The following TEAD1 variants were observed in gnomAD, a reference collection of about 807,000 sequenced individuals.
TEAD1 encodes TEA domain transcription factor 1.
Under a neutral mutation model 54.9 loss-of-function variants are expected in TEAD1, and 9 were observed. That is an observed-to-expected ratio of 0.16 (90% CI 0.10 to 0.29). TEAD1 has a LOEUF of 0.29. Ranked by LOEUF, TEAD1 falls within the 10% of genes least tolerant of loss-of-function variation. TEAD1 has a pLI of 1.00. For missense variants in TEAD1, 387 were observed against 535.9 expected, an observed-to-expected ratio of 0.72 and a Z score of 2.74; for synonymous variants, 200 against 187.8, an observed-to-expected ratio of 1.07 and a Z score of -0.53.
intron 3 of TEAD1, among the ~76,000 whole-genome samples, chr11:12,840,559 C>T (rs892236794): frequency 6.6e-6 from 1 of 152,102 alleles, no homozygotes; most frequent in Admixed American, 6.5e-5. Flanking sequence ...AATAAATGGC[C>T]GTGTCTTAGC....
intron 3 of TEAD1, among the ~76,000 whole-genome samples, chr11:12,797,656 G>A (rs954223047): frequency 6.6e-6 from 1 of 151,462 alleles, no homozygotes; most frequent in Non-Finnish European, 1.5e-5. Context: ...TTTTGTAGGG[G>A]TTTCCTCCAC....
At chr11:12,907,355 T>C (rs3888877) in intron 10 of TEAD1, among the ~76,000 whole-genome samples, 26,466 of 152,168 alleles carry the variant, frequency 0.17, 2,554 homozygotes, top group Non-Finnish European at 0.22. Flanking sequence ...GTGACAGCAG[T>C]AGGGAGCAGT....
chr11:12,734,944 A>C (rs1348109320), intron 2 of TEAD1, among the ~76,000 whole-genome samples: 1 of 152,210 alleles, frequency 6.6e-6, no homozygotes, highest in Non-Finnish European at 1.5e-5. Context: ...CGCCATATAT[A>C]TTTTTAAAGA....
chr11:12,690,082 A>T (rs906350257), intron 2 of TEAD1, among the ~76,000 whole-genome samples: 9 of 151,812 alleles, frequency 5.9e-5, no homozygotes, highest in African/African-American at 2.2e-4. Context: ...CTACTAAAAA[A>T]TACAAAAAAT....
At chr11:12,802,538 ATT>A (rs142330425) in intron 3 of TEAD1, among the ~76,000 whole-genome samples, 1,562 of 152,256 alleles carry the variant, frequency 0.01, 28 homozygotes, top group African/African-American at 0.036. Context: ...ACAAAACACT[ATT>A]TAGGAAAGTG....
chr11:12,869,452 C>T lies in TEAD1; in HGVS notation c.330+4552C>T, dbSNP rs568196742. On this transcript the variant is annotated intron_variant, in intron 5 of 12. Coordinates refer to ENST00000527636, the MANE Select transcript of TEAD1 (RefSeq NM_021961.6). ...TAAAGAATAAATTATAAGTTCTGTC[C>T]TTATGAAGTCTGAAAAGTGTTGTGT... 1.6e-4 allele frequency among the ~76,000 whole-genome samples: 25 copies of T among 152,240 alleles called. No homozygotes were observed. In the South Asian group the frequency reaches 4.8e-3, roughly 29 times the overall value.
chr11:12,781,983 AGAAAAAG>A lies in TEAD1; in HGVS notation c.202+17550_202+17556del, dbSNP rs1564937765. Among the ~76,000 whole-genome samples the A allele has an allele frequency of 4.5e-3, 598 of 133,810 alleles. 43 individuals carry two copies. Among genetic ancestry groups the A allele is most frequent in the African/African-American group, 0.023 (576 of 25,312 alleles). The allele number at this position is 133,810 out of a possible 152,430, so 87.8% of individuals were successfully genotyped here. A position where few individuals can be genotyped will look rare whatever the true frequency, so the allele number is the denominator to read the frequency against. ...AAAAAAAAAAAAAAGAAAGAAAAAA[AGAAAAAG>A]AAAAAAAAAATTAGCCAAGCGTGGT... On this transcript the variant is annotated intron_variant, in intron 3 of 12. Coordinates refer to ENST00000527636, the MANE Select transcript of TEAD1 (RefSeq NM_021961.6).
At chr11:12,832,353 G>A (rs1946800569) in intron 3 of TEAD1, among the ~76,000 whole-genome samples, 1 of 152,150 alleles carries the variant, frequency 6.6e-6, no homozygotes, top group African/African-American at 2.4e-5. Context: ...GAAGACTAGG[G>A]GGAAAAATCC....
At chr11:12,762,784 CAG>C (rs999145771) in intron 2 of TEAD1, among the ~76,000 whole-genome samples, 8 of 152,116 alleles carry the variant, frequency 5.3e-5, no homozygotes, top group African/African-American at 1.9e-4. Flanking sequence ...TGGGGGAGGA[CAG>C]GGGCACAGGA....
chr11:12,830,297 GGGC>G (rs1946745699), intron 3 of TEAD1, among the ~76,000 whole-genome samples: 1 of 152,100 alleles, frequency 6.6e-6, no homozygotes, highest in Admixed American at 6.5e-5. Context: ...TGGCAGTGGG[GGGC>G]ATCCCAGTGG....
intron 3 of TEAD1, among the ~76,000 whole-genome samples, chr11:12,838,327 C>G (rs1946950159): frequency 2.0e-5 from 3 of 152,198 alleles, no homozygotes; most frequent in Admixed American, 2.0e-4. Context: ...GCTACATGGC[C>G]TCCAAGAATA....
At chr11:12,730,416 GTTTTTTTTT>G (rs59731479) in intron 2 of TEAD1, among the ~76,000 whole-genome samples, 73 of 60,242 alleles carry the variant, frequency 1.2e-3, no homozygotes, top group East Asian at 2.7e-3. Flanking sequence ...CCAGTTGAGT[GTTTTTTTTT>G]TTTTTTTTTT....
chr11:12,896,556 G>T (rs1370022402), intron 9 of TEAD1, among the ~76,000 whole-genome samples: 2 of 152,132 alleles, frequency 1.3e-5, no homozygotes, highest in South Asian at 4.1e-4. Context: ...CTTTATTCAT[G>T]TTTTCTAGGT....
At chr11:12,757,311 A>G (rs564382009) in intron 2 of TEAD1, among the ~76,000 whole-genome samples, 19 of 152,214 alleles carry the variant, frequency 1.2e-4, no homozygotes, top group Admixed American at 6.5e-4. Context: ...TCCGCCTCCC[A>G]TATCTCTTTC....
At chr11:12,810,715 A>G (rs925950003) in intron 3 of TEAD1, among the ~76,000 whole-genome samples, 1 of 152,198 alleles carries the variant, frequency 6.6e-6, no homozygotes, top group Admixed American at 6.5e-5. Flanking sequence ...TGACGAGCAC[A>G]GTGGCTGATG....
chr11:12,724,579 G>A (rs931526574), intron 2 of TEAD1, among the ~76,000 whole-genome samples: 3 of 152,234 alleles, frequency 2.0e-5, no homozygotes, highest in Admixed American at 1.3e-4. Flanking sequence ...TAAAATGCGC[G>A]TGCACACGCA....
At chr11:12,686,952 T>C (rs1464414314) in intron 2 of TEAD1, among the ~76,000 whole-genome samples, 1 of 152,134 alleles carries the variant, frequency 6.6e-6, no homozygotes, top group Non-Finnish European at 1.5e-5. Flanking sequence ...GTCTAGACTT[T>C]GTTGTTGAGA....
intron 3 of TEAD1, among the ~76,000 whole-genome samples, chr11:12,830,240 G>A (rs1418465842): frequency 6.6e-6 from 1 of 152,130 alleles, no homozygotes; most frequent in East Asian, 1.9e-4. Context: ...TGCCTCACCT[G>A]GCAGGTGAGG....
intron 2 of TEAD1, among the ~76,000 whole-genome samples, chr11:12,687,618 A>C (rs1943361040): frequency 1.3e-5 from 2 of 152,186 alleles, no homozygotes; most frequent in Admixed American, 1.3e-4. Flanking sequence ...CATTGAAACA[A>C]AGGTAGGCTT....
Sources: gnomAD v4.1 joint callset for allele counts (sites outside exome capture counted in the v4.1 genomes callset) on GRCh38, gnomAD v4.1.1 for gene constraint, MANE v1.5 for transcripts, NCBI Gene and HGNC (gene_info 2026-07-23, HGNC 2026-07-21) for gene names.